The following GRIK4 variants were observed in gnomAD, a reference collection of about 807,000 sequenced individuals.
The protein encoded by GRIK4 is glutamate ionotropic receptor kainate type subunit 4, also known as glutamate receptor ionotropic, kainate 4.
A neutral mutation model predicts 104.9 loss-of-function variants in GRIK4; 40 were observed. The ratio of observed to expected loss-of-function variants is 0.38; its 90% CI spans 0.30 to 0.50. The LOEUF (loss-of-function observed/expected upper bound fraction) is 0.50, where lower values mean the gene tolerates loss of function less well. GRIK4 is among the 20% of genes least tolerant of loss of function. The pLI is 0.93. For missense variants in GRIK4, 1,047 were observed against 1,308.1 expected, an observed-to-expected ratio of 0.80 and a Z score of 3.08; for synonymous variants, 485 against 524.9, an observed-to-expected ratio of 0.92 and a Z score of 1.04.
chr11:120,972,415 T>A (rs562456656), intron 19 of GRIK4, among the ~76,000 whole-genome samples: 2 of 152,362 alleles, frequency 1.3e-5, no homozygotes, highest in South Asian at 4.1e-4. Flanking sequence ...GCAGAGATAA[T>A]GTCCTTGGAG....
intron 3 of GRIK4, among the ~76,000 whole-genome samples, chr11:120,696,416 G>C (rs1323675646): frequency 1.3e-5 from 2 of 151,236 alleles, no homozygotes; most frequent in Non-Finnish European, 2.9e-5. Flanking sequence ...TTCCGGGAGA[G>C]CTTCCTAGGG....
chr11:120,794,566 C>T (rs2135498251), intron 3 of GRIK4, among the ~76,000 whole-genome samples: 1 of 152,012 alleles, frequency 6.6e-6, no homozygotes, highest in East Asian at 1.9e-4. Context: ...AGGAGCTCAG[C>T]ACACAGGCAT....
At chr11:120,889,767 A>G (rs1373794575) in intron 11 of GRIK4, among the ~76,000 whole-genome samples, 1 of 151,584 alleles carries the variant, frequency 6.6e-6, no homozygotes, top group Non-Finnish European at 1.5e-5. Context: ...ACTACTCCTG[A>G]TTAATTTTCT....
chr11:120,731,973 A>T (rs1951139452), intron 3 of GRIK4, among the ~76,000 whole-genome samples: 1 of 151,880 alleles, frequency 6.6e-6, no homozygotes, highest in African/African-American at 2.4e-5. Context: ...AAGGTTTGTC[A>T]TTTTTAAAAA....
intron 13 of GRIK4, among the ~76,000 whole-genome samples, chr11:120,930,120 C>T (rs1190894632): frequency 6.6e-6 from 1 of 152,106 alleles, no homozygotes; most frequent in East Asian, 1.9e-4. Flanking sequence ...GAAAGCCAAG[C>T]GCACAGTCCT....
intron 3 of GRIK4, among the ~76,000 whole-genome samples, chr11:120,663,353 AC>A (rs1949851795): frequency 6.6e-6 from 1 of 152,164 alleles, no homozygotes; most frequent in African/African-American, 2.4e-5. Context: ...AGGTCACCTG[AC>A]AAGTAGGGGC....
intron 11 of GRIK4, among the ~76,000 whole-genome samples, chr11:120,884,473 C>G (rs1955062645): frequency 6.6e-6 from 1 of 152,248 alleles, no homozygotes; most frequent in Non-Finnish European, 1.5e-5. Flanking sequence ...CGGCCCATGC[C>G]AGCCAGGCGG....
At chr11:120,560,045 GT>G (rs1948223272) in intron 1 of GRIK4, among the ~76,000 whole-genome samples, 2 of 151,802 alleles carry the variant, frequency 1.3e-5, no homozygotes, top group Admixed American at 1.3e-4. Flanking sequence ...TATATGCCCA[GT>G]TTTCCAAGCA....
intron 1 of GRIK4, among the ~76,000 whole-genome samples, chr11:120,591,746 C>T (rs373019783): frequency 6.6e-6 from 1 of 152,158 alleles, no homozygotes; most frequent in Non-Finnish European, 1.5e-5. Flanking sequence ...CATAGACAAA[C>T]ATTTTGGGTA....
chr11:120,839,269 G>T (rs1953657141), intron 8 of GRIK4, among the ~76,000 whole-genome samples: 1 of 152,206 alleles, frequency 6.6e-6, no homozygotes, highest in African/African-American at 2.4e-5. Context: ...CTGCTACAGT[G>T]ATGCAGTAGG....
chr11:120,535,036 G>T (rs531282102), intron 1 of GRIK4, among the ~76,000 whole-genome samples: 1 of 152,186 alleles, frequency 6.6e-6, no homozygotes, highest in Non-Finnish European at 1.5e-5. Context: ...ATTCAACAGC[G>T]GGCTCTCCTG....
chr11:120,769,891 A>G (rs1038284805), intron 3 of GRIK4, among the ~76,000 whole-genome samples: 4 of 152,202 alleles, frequency 2.6e-5, no homozygotes, highest in Non-Finnish European at 4.4e-5. Flanking sequence ...GCCTGCACCA[A>G]CAGTTTCTGG....
chr11:120,615,588 G>A (rs1949101222), intron 1 of GRIK4, among the ~76,000 whole-genome samples: 1 of 152,188 alleles, frequency 6.6e-6, no homozygotes. Flanking sequence ...AGCCATGCCA[G>A]CTCTGGCTTG....
At chr11:120,752,774 C>G (rs765787162) in intron 3 of GRIK4, among the ~76,000 whole-genome samples, 30 of 152,212 alleles carry the variant, frequency 2.0e-4, no homozygotes, top group Non-Finnish European at 3.4e-4. Context: ...CTCTTTGGCT[C>G]TGCTCGAGGG....
chr11:120,877,111 TC>T (rs1436633228), intron 11 of GRIK4, among the ~76,000 whole-genome samples: 1 of 152,224 alleles, frequency 6.6e-6, no homozygotes, highest in African/African-American at 2.4e-5. Context: ...TGCTGCTGAC[TC>T]TCAGAAAGGC....
chr11:120,904,964 A>C (rs1942833079), intron 12 of GRIK4, among the ~76,000 whole-genome samples: 1 of 152,174 alleles, frequency 6.6e-6, no homozygotes, highest in East Asian at 1.9e-4. Context: ...GTCTGCCTGG[A>C]ATAAAGCAGG....
chr11:120,568,873 A>G (rs759204641), intron 1 of GRIK4, among the ~76,000 whole-genome samples: 17 of 152,238 alleles, frequency 1.1e-4, no homozygotes, highest in Non-Finnish European at 2.4e-4. Flanking sequence ...AAAAAAGAAG[A>G]CAAAAATATG....
chr11:120,836,102 G>A (rs988494046), intron 7 of GRIK4, among the ~76,000 whole-genome samples: 39 of 152,164 alleles, frequency 2.6e-4, no homozygotes, highest in African/African-American at 7.5e-4. Context: ...TACAACCTAC[G>A]GACTCTCTTA....
chr11:120,979,098 C>T (rs900031310), intron 19 of GRIK4, among the ~76,000 whole-genome samples: 3 of 152,128 alleles, frequency 2.0e-5, no homozygotes, highest in Admixed American at 6.5e-5. Flanking sequence ...TTACTTGGAG[C>T]TTAAAAGCTT....
Sources: allele counts gnomAD v4.1 joint callset (sites outside exome capture counted in the v4.1 genomes callset), GRCh38; gene constraint gnomAD v4.1.1; transcripts MANE v1.5; gene names NCBI Gene and HGNC (gene_info 2026-07-23, HGNC 2026-07-21).